The following NCOA3 variants were observed in gnomAD, a reference collection of about 807,000 sequenced individuals.
NCOA3 encodes the protein CBP-interacting protein.
Under a neutral mutation model 158.8 loss-of-function variants are expected in NCOA3, and 51 were observed. That is an observed-to-expected ratio of 0.32 (90% CI 0.26 to 0.41). The LOEUF is 0.41. Ranked by LOEUF, NCOA3 falls within the 10% of genes least tolerant of loss-of-function variation. The probability of loss-of-function intolerance (pLI) is 1.00; values close to 1 mark genes in which losing one functional copy is unlikely to be tolerated. For synonymous variants in NCOA3, 537 were observed against 592.4 expected (o/e 0.91, Z 1.36); for missense variants, 1,510 against 1,746.6 (o/e 0.86, Z 2.41).
intron 1 of NCOA3, among the ~76,000 whole-genome samples, chr20:47,575,416 A>G (rs2085357442): frequency 6.6e-6 from 1 of 152,214 alleles, no homozygotes. Context: ...ATAAACTTAA[A>G]TCATGAAGGC....
chr20:47,524,399 T>G (rs1370997194), intron 1 of NCOA3, among the ~76,000 whole-genome samples: 1 of 152,148 alleles, frequency 6.6e-6, no homozygotes, highest in African/African-American at 2.4e-5. Flanking sequence ...GCCTTGAAAT[T>G]AAAGGACAGA....
Position 47,635,963 on chromosome 20 carries a change from T to C in NCOA3, c.1577T>C (p.Leu526Pro). ...TTTTCCAGCAGCTCTCTCAGTGCCC[T>C]GCAAGCCATCAGTGAAGGTGTGGGG... is the stretch of plus-strand genomic sequence containing the variant. Reference protein sequence around the residue: ...HSFSSSSLSALQAISEGVGTS... With the variant: ...HSFSSSSLSAPQAISEGVGTS... Residue 526 changes from leucine (L) to proline (P), a missense_variant, in exon 12 of 23, where the codon CTG becomes CCG. Transcript: ENST00000371998. 6.2e-7 allele frequency: 1 copy of C among 1,614,140 alleles called. No homozygotes were observed. The highest frequency in any genetic ancestry group is 8.5e-7 in the Non-Finnish European group (1 of 1,179,960).
intron 1 of NCOA3, among the ~76,000 whole-genome samples, chr20:47,524,571 T>G (rs2084396248): frequency 6.6e-6 from 1 of 152,090 alleles, no homozygotes; most frequent in African/African-American, 2.4e-5. Context: ...TGGAGTGGTT[T>G]TAAGGAGCAG....
intron 1 of NCOA3, among the ~76,000 whole-genome samples, chr20:47,507,470 TACC>T (rs969239498): frequency 1.5e-4 from 23 of 152,226 alleles, no homozygotes; most frequent in African/African-American, 5.5e-4. Flanking sequence ...TAGTAAGTAC[TACC>T]ACCATCTAAG....
rs187784447 is a variant in NCOA3, at chr20:47,599,711, A to G, written c.-20+16450A>G. Among the ~76,000 whole-genome samples the G allele has an allele frequency of 6.7e-4, 102 of 152,280 alleles. 2 individuals carry two copies. The highest frequency in any genetic ancestry group is 2.3e-3 in the African/African-American group (96 of 41,564). On this transcript the variant is annotated intron_variant, in intron 2 of 22. Transcript: ENST00000371998. ...ATTTCAAAAATAAGATGTTAATTGC[A>G]CTCACTTCAAATTTTAAAAAACCTT... is the stretch of plus-strand genomic sequence containing the variant.
chr20:47,545,294 A>G (rs994213144), intron 1 of NCOA3, among the ~76,000 whole-genome samples: 1 of 150,900 alleles, frequency 6.6e-6, no homozygotes, highest in Non-Finnish European at 1.5e-5. Flanking sequence ...CTCCTGCCTC[A>G]GCCTCCCTAG....
chr20:47,509,627 G>C (rs1218639033), intron 1 of NCOA3, among the ~76,000 whole-genome samples: 1 of 152,110 alleles, frequency 6.6e-6, no homozygotes, highest in Non-Finnish European at 1.5e-5. Flanking sequence ...CAATTTTGGG[G>C]CTGAGTGCAG....
Position 47,635,482 on chromosome 20 carries a change from A to G in NCOA3, c.1273A>G (p.Thr425Ala). The G allele has an allele frequency of 1.2e-6, 2 of 1,614,076 alleles. No individual in the cohort carries two copies. Among genetic ancestry groups the G allele is most frequent in the Non-Finnish European group, 1.7e-6 (2 of 1,180,002 alleles). ...CTATGGCTTGGCAGACCCTAGCACC[A>G]CAGGGCAGATGAGTGGAGCTAGGTA... Reference protein sequence around the residue: ...RAYGLADPSTTGQMSGARYGG... With the variant: ...RAYGLADPSTAGQMSGARYGG... Residue 425 changes from threonine (T) to alanine (A), a missense_variant, in exon 11 of 23, where the codon ACA (threonine) becomes GCA (alanine). Physicochemically the swap from Thr to Ala is moderately conservative, Grantham distance 58 (BLOSUM62 0). Coordinates refer to ENST00000371998, the MANE Select transcript of NCOA3 (RefSeq NM_181659.3).
At chr20:47,532,139 T>TG (rs1555800968) in intron 1 of NCOA3, among the ~76,000 whole-genome samples, 2 of 151,436 alleles carry the variant, frequency 1.3e-5, no homozygotes, top group South Asian at 2.1e-4. Context: ...TGTGTGTGTG[T>TG]TGCAGGGTTT....
chr20:47,511,550 T>TATATATATATATATACATACAC, intron 1 of NCOA3, among the ~76,000 whole-genome samples: 1 of 52,270 alleles, frequency 1.9e-5, no homozygotes, highest in Non-Finnish European at 4.0e-5. Flanking sequence ...TATATATATA[T>TATATATATATATATACATACAC]ATATATTTCT....
rs558091893 is a variant in NCOA3 at position 47,634,895 on chromosome 20, CTTCCT to C, written c.1113-423_1113-419del. Among the ~76,000 whole-genome samples the C allele has an allele frequency of 1.6e-3, 232 of 149,146 alleles. 1 individual carries two copies. Among genetic ancestry groups the C allele is most frequent in the Middle Eastern group, 3.5e-3 (1 of 284 alleles). On this transcript the variant is annotated intron_variant, in intron 10 of 22. Coordinates refer to ENST00000371998, the MANE Select transcript of NCOA3 (RefSeq NM_181659.3). Reference sequence around the variant, plus strand: ...TATTCCCTCTCCTTCTCTCTCCCTTCTTCCTTTCTTCTTCTTCTCTTCTTCTTTTT... The same window carrying C: ...TATTCCCTCTCCTTCTCTCTCCCTTCTTCTTCTTCTTCTCTTCTTCTTTTT...
chr20:47,549,069 G>A (rs1359271001), intron 1 of NCOA3, among the ~76,000 whole-genome samples: 1 of 151,784 alleles, frequency 6.6e-6, no homozygotes, highest in East Asian at 1.9e-4. Flanking sequence ...TAGAGATGGG[G>A]GTCTCACCAC....
chr20:47,633,901 T>C, intron 9 of NCOA3, 147 bp from the exon 10 acceptor site: 1 of 1,082,674 alleles, frequency 9.2e-7, no homozygotes, highest in Non-Finnish European at 1.3e-6. Context: ...AGTGTTCTTA[T>C]TTTACCCTGT....
At chr20:47,625,324 T>G in intron 4 of NCOA3, 57 bp from the exon 5 acceptor site, 1 of 1,188,608 alleles carries the variant, frequency 8.4e-7, no homozygotes, top group Non-Finnish European at 1.3e-6. Flanking sequence ...TATTCGAAGG[T>G]GATTTAATCT....
intron 1 of NCOA3, among the ~76,000 whole-genome samples, chr20:47,538,473 T>TA (rs1342124428): frequency 2.6e-5 from 4 of 152,204 alleles, no homozygotes; most frequent in Non-Finnish European, 5.9e-5. Flanking sequence ...ACACATAAGA[T>TA]ACTTTTTAAA....
intron 1 of NCOA3, among the ~76,000 whole-genome samples, chr20:47,525,981 G>A (rs1275405801): frequency 2.6e-4 from 39 of 150,060 alleles, no homozygotes; most frequent in African/African-American, 8.1e-4. Context: ...GCTGCTGGGC[G>A]GAGACGCTCC....
rs6094756 is a variant in NCOA3, at chr20:47,634,188, C to T, written c.1105C>T (p.Leu369Phe). The T allele has an allele frequency of 6.2e-7, 1 of 1,613,618 alleles. No homozygotes were observed. Among genetic ancestry groups the T allele is most frequent in the Non-Finnish European group, 8.5e-7 (1 of 1,179,694 alleles). Reference protein sequence around the residue: ...DRHGFVSTHFLQREQNGYRPN... With the variant: ...DRHGFVSTHFFQREQNGYRPN... ...ACATGGCTTTGTCTCAACCCACTTC[C>T]TTCAGAGGTAATGATAGATTACTGT... Residue 369 changes from leucine (L) to phenylalanine (F), a missense_variant, in exon 10 of 23, where the codon CTT becomes TTT. Transcript: ENST00000371998.
intron 1 of NCOA3, among the ~76,000 whole-genome samples, chr20:47,549,377 A>C (rs949473761): frequency 6.6e-6 from 1 of 151,422 alleles, no homozygotes; most frequent in Non-Finnish European, 1.5e-5. Context: ...AAAAAAAAAA[A>C]TTAGCTGGGC....
At chr20:47,589,064 T>C (rs2085583331) in intron 2 of NCOA3, among the ~76,000 whole-genome samples, 1 of 150,448 alleles carries the variant, frequency 6.6e-6, no homozygotes, top group South Asian at 2.1e-4. Flanking sequence ...AATTTTTGTA[T>C]TTTTTTTTAG....
Sources: gnomAD v4.1 joint callset for allele counts (sites outside exome capture counted in the v4.1 genomes callset) on GRCh38, gnomAD v4.1.1 for gene constraint, MANE v1.5 for transcripts, NCBI Gene and HGNC (gene_info 2026-07-23, HGNC 2026-07-21) for gene names.